NCALD: variants seen among roughly 807,000 people sequenced by gnomAD.
The protein encoded by NCALD is neurocalcin delta, also known as neurocalcin-delta.
A neutral mutation model predicts 18.6 loss-of-function variants in NCALD; 10 were observed. The ratio of observed to expected loss-of-function variants is 0.54; its 90% CI spans 0.33 to 0.91. NCALD has a LOEUF of 0.91. Ranked by LOEUF, NCALD falls within the 40% of genes least tolerant of loss-of-function variation. NCALD has a pLI of 0.03. For synonymous variants in NCALD, 88 were observed against 87.4 expected (o/e 1.01, Z -0.04); for missense variants, 184 against 247.6 (o/e 0.74, Z 1.72).
At chr8:101,708,747 C>G (rs1041866325) in intron 2 of NCALD, among the ~76,000 whole-genome samples, 7 of 152,150 alleles carry the variant, frequency 4.6e-5, no homozygotes, top group African/African-American at 1.7e-4. Flanking sequence ...AAGCCAGGTA[C>G]TCACCCTGGG....
chr8:101,752,678 G>A (rs776460225), intron 1 of NCALD, among the ~76,000 whole-genome samples: 3 of 152,144 alleles, frequency 2.0e-5, no homozygotes, highest in Non-Finnish European at 4.4e-5. Flanking sequence ...CAATGCTAAC[G>A]GACCATAAGG....
chr8:102,117,307 G>A (rs754729857), intron 1 of NCALD, among the ~76,000 whole-genome samples: 40 of 152,174 alleles, frequency 2.6e-4, no homozygotes, highest in Admixed American at 1.1e-3. Context: ...AGCCCATTCC[G>A]TGTTCACAGT....
At chr8:102,010,067 G>A (rs948638067) in intron 2 of NCALD, among the ~76,000 whole-genome samples, 2 of 152,190 alleles carry the variant, frequency 1.3e-5, no homozygotes, top group African/African-American at 4.8e-5. Flanking sequence ...AAGCAACAAC[G>A]AGGAAGGGGC....
chr8:101,924,565 T>C (rs962502255), intron 2 of NCALD, among the ~76,000 whole-genome samples: 1 of 152,126 alleles, frequency 6.6e-6, no homozygotes, highest in Admixed American at 6.5e-5. Context: ...TGGAAACAGA[T>C]CATATTCATC....
chr8:102,037,484 C>T (rs538750809), intron 1 of NCALD, among the ~76,000 whole-genome samples: 29 of 152,196 alleles, frequency 1.9e-4, no homozygotes, highest in Non-Finnish European at 3.8e-4. Flanking sequence ...ATGTTGTATA[C>T]ATTTAGTGTG....
intron 2 of NCALD, among the ~76,000 whole-genome samples, chr8:101,980,445 A>G (rs971091644): frequency 6.6e-5 from 10 of 152,228 alleles, no homozygotes; most frequent in African/African-American, 2.4e-4. Context: ...TAAAAGGGCT[A>G]GGATCAGACC....
At chr8:101,816,557 G>A (rs770532977) in intron 4 of NCALD, among the ~76,000 whole-genome samples, 12 of 151,916 alleles carry the variant, frequency 7.9e-5, no homozygotes, top group Non-Finnish European at 1.8e-4. Context: ...CACTTCTTTG[G>A]GTCTTCATTT....
rs906975858 is a variant in NCALD at position 101,688,623 on chromosome 8, G to A, written c.*686C>T. 8.7e-6 allele frequency: 4 copies of A among 457,792 alleles called. No homozygotes were observed. Among genetic ancestry groups the A allele is most frequent in the African/African-American group, 6.0e-5 (3 of 50,146 alleles). The allele number at this position is 457,792 out of a possible 1,614,324, so 28.4% of individuals were successfully genotyped here. A position where few individuals can be genotyped will look rare whatever the true frequency, so the allele number is the denominator to read the frequency against. ...TAGGCAACAAGATGGGTCTGGTTTT[G>A]GAATATGTTACCATTTGTGTTTAAT... On this transcript the variant is annotated 3_prime_UTR_variant, in exon 4 of 4. Coordinates refer to ENST00000220931, the MANE Select transcript of NCALD (RefSeq NM_032041.3).
At chr8:101,801,338 T>G (rs1441695303) in intron 4 of NCALD, among the ~76,000 whole-genome samples, 2 of 152,128 alleles carry the variant, frequency 1.3e-5, no homozygotes, top group Non-Finnish European at 2.9e-5. Context: ...AATTACAAAA[T>G]TAACCAATTT....
At chr8:102,079,555 A>C (rs766263015) in intron 1 of NCALD, among the ~76,000 whole-genome samples, 21 of 152,150 alleles carry the variant, frequency 1.4e-4, no homozygotes, top group African/African-American at 4.8e-4. Context: ...TGCTGTCTAT[A>C]AAGGAGGAAA....
At chr8:101,751,947 G>T (rs1810678281) in intron 1 of NCALD, among the ~76,000 whole-genome samples, 1 of 152,098 alleles carries the variant, frequency 6.6e-6, no homozygotes, top group African/African-American at 2.4e-5. Context: ...AAATTTATCA[G>T]GCATTTCCAG....
chr8:102,092,964 A>T (rs949148873), intron 1 of NCALD, among the ~76,000 whole-genome samples: 25 of 152,150 alleles, frequency 1.6e-4, no homozygotes, highest in African/African-American at 5.3e-4. Context: ...TGTCTCCCTC[A>T]TTGCTCTAAC....
intron 1 of NCALD, among the ~76,000 whole-genome samples, chr8:102,081,195 CA>C (rs1261400951): frequency 6.6e-6 from 1 of 151,926 alleles, no homozygotes; most frequent in Non-Finnish European, 1.5e-5. Context: ...TTGTGAAAAA[CA>C]AAAACGAAAA....
At chr8:102,096,911 A>G (rs992037811) in intron 1 of NCALD, among the ~76,000 whole-genome samples, 2 of 152,234 alleles carry the variant, frequency 1.3e-5, no homozygotes, top group Non-Finnish European at 2.9e-5. Context: ...GACACCCTCC[A>G]CTGGTAACAA....
In NCALD at chr8:101,870,900, C is replaced by G. The variant is rs77859084; in HGVS notation, c.-20+16241G>C. 8.3e-3 allele frequency among the ~76,000 whole-genome samples: 631 copies of G among 75,710 alleles called. 19 individuals carry two copies. Among genetic ancestry groups the G allele is most frequent in the South Asian group, 0.017 (22 of 1,312 alleles). The allele number at this position is 75,710 out of a possible 152,430, so 49.7% of individuals were successfully genotyped here. A position where few individuals can be genotyped will look rare whatever the true frequency, so the allele number is the denominator to read the frequency against. On this transcript the variant is annotated intron_variant, in intron 4 of 6. Transcript: ENST00000311028. Reference sequence around the variant, plus strand: ...ACTATGCTCTACCACCGCCCCCACCCCCCCCCCCCAAAAAAAGAGAGAACG... The same window carrying G: ...ACTATGCTCTACCACCGCCCCCACCGCCCCCCCCCAAAAAAAGAGAGAACG...
rs1048931396 is a variant in NCALD at position 101,952,102 on chromosome 8, C to T, written c.-156-36244G>A. Among the ~76,000 whole-genome samples the T allele has an allele frequency of 3.9e-5, 6 of 152,144 alleles. No individual in the cohort carries two copies. In the South Asian group the frequency reaches 1.2e-3, roughly 32 times the overall value. On this transcript the variant is annotated intron_variant, in intron 2 of 6. Transcript: ENST00000311028. ...TCCTCTTGGAATCCCTGGAAGATGC[C>T]GGGCAGGAGGGCAAGTGGGAACCGA...
chr8:102,081,423 T>G (rs1309934410), intron 1 of NCALD, among the ~76,000 whole-genome samples: 1 of 152,074 alleles, frequency 6.6e-6, no homozygotes, highest in Non-Finnish European at 1.5e-5. Context: ...ATCCTTAATG[T>G]CGTTGGTAAC....
At chr8:101,875,624 C>T (rs1375440486) in intron 4 of NCALD, among the ~76,000 whole-genome samples, 6 of 152,120 alleles carry the variant, frequency 3.9e-5, no homozygotes, top group Admixed American at 3.3e-4. Context: ...TTTTTCAAAA[C>T]GTCCAATTAG....
At chr8:101,846,411 G>C (rs774721336) in intron 4 of NCALD, among the ~76,000 whole-genome samples, 2 of 152,194 alleles carry the variant, frequency 1.3e-5, no homozygotes, top group African/African-American at 2.4e-5. Context: ...GAGAAGAATG[G>C]AAGATAGTTT....
Sources: allele counts gnomAD v4.1 joint callset (sites outside exome capture counted in the v4.1 genomes callset), GRCh38; gene constraint gnomAD v4.1.1; transcripts MANE v1.5; gene names NCBI Gene and HGNC (gene_info 2026-07-23, HGNC 2026-07-21).